The following TTC28 variants were observed in gnomAD, a reference collection of about 807,000 sequenced individuals.
The protein encoded by TTC28 is tetratricopeptide repeat protein 28.
In TTC28, 61 loss-of-function variants were observed where a neutral mutation model predicts 198.0. The observed-to-expected ratio is 0.31, with a 90% CI of 0.25 to 0.38. TTC28 has a LOEUF of 0.38. Among genes scored for constraint, TTC28 ranks in the 10% least tolerant of loss-of-function variants. The probability of loss-of-function intolerance (pLI) is 1.00; values close to 1 mark genes in which losing one functional copy is unlikely to be tolerated. For missense variants in TTC28, 2,678 were observed against 3,164.0 expected (o/e 0.85, Z 3.69); for synonymous variants, 1,171 against 1,297.8 (o/e 0.90, Z 2.10).
At chr22:28,174,712 CT>C (rs1021264205) in intron 5 of TTC28, among the ~76,000 whole-genome samples, 2 of 152,066 alleles carry the variant, frequency 1.3e-5, no homozygotes, top group African/African-American at 4.8e-5. Context: ...AACCCCATAT[CT>C]TAAGAAAAAG....
chr22:28,572,160 C>T (rs1238720103), intron 2 of TTC28, among the ~76,000 whole-genome samples: 5 of 150,878 alleles, frequency 3.3e-5, no homozygotes, highest in Middle Eastern at 6.8e-3. Context: ...ATGATGAAAC[C>T]CCATCTCTAC....
chr22:28,040,727 TCTGG>T (rs1193919733), intron 12 of TTC28, among the ~76,000 whole-genome samples: 2 of 152,186 alleles, frequency 1.3e-5, no homozygotes, highest in Non-Finnish European at 2.9e-5. Context: ...TGTTGGAAGT[TCTGG>T]CTGGGGCAAT....
chr22:28,408,064 T>C (rs2047026521), intron 2 of TTC28, among the ~76,000 whole-genome samples: 1 of 152,242 alleles, frequency 6.6e-6, no homozygotes, highest in Admixed American at 6.5e-5. Context: ...TGCATTCAGC[T>C]TTCTGTTTTC....
At chr22:28,334,322 G>A (rs1182654815) in intron 2 of TTC28, among the ~76,000 whole-genome samples, 1 of 152,068 alleles carries the variant, frequency 6.6e-6, no homozygotes, top group East Asian at 1.9e-4. Context: ...ATGTGTGCAT[G>A]TGTCTTTATA....
chr22:28,153,278 T>G (rs891700066), intron 6 of TTC28, among the ~76,000 whole-genome samples: 1 of 151,782 alleles, frequency 6.6e-6, no homozygotes, highest in Admixed American at 6.6e-5. Flanking sequence ...CTACCAAACT[T>G]TTACTCCAAC....
intron 2 of TTC28, among the ~76,000 whole-genome samples, chr22:28,426,420 C>A (rs1483904662): frequency 6.6e-6 from 1 of 152,052 alleles, no homozygotes; most frequent in African/African-American, 2.4e-5. Context: ...CAAAGTCAGG[C>A]TTACATAGTC....
At chr22:28,238,104 G>T (rs561850340) in intron 5 of TTC28, among the ~76,000 whole-genome samples, 50 of 152,170 alleles carry the variant, frequency 3.3e-4, no homozygotes, top group African/African-American at 1.2e-3. Flanking sequence ...TTTACTGCAC[G>T]AATGGGGTTG....
At chr22:28,342,683 A>G (rs1339500716) in intron 2 of TTC28, among the ~76,000 whole-genome samples, 1 of 152,204 alleles carries the variant, frequency 6.6e-6, no homozygotes, top group African/African-American at 2.4e-5. Context: ...ATGTGTTAAG[A>G]GCTCATCTTT....
Position 27,983,397 on chromosome 22 carries a change from G to A in TTC28, c.6270C>T (p.Ala2090=), listed in dbSNP as rs369095042. 131 of 1,551,032 alleles carry A rather than the reference G, an allele frequency of 8.4e-5. No individual in the cohort carries two copies. The highest frequency in any genetic ancestry group is 1.1e-4 in the Non-Finnish European group (121 of 1,147,014). The change falls in exon 23 of 23, where the codon GCC becomes GCT. Residue 2090 remains alanine, a synonymous_variant. Coordinates refer to ENST00000397906, the MANE Select transcript of TTC28 (RefSeq NM_001145418.2). Reference sequence around the variant, plus strand: ...AGCTCACCGAGACTCTCATGCCTCCGGCTGTCCCAGGTTGGGGTTGTTTGT... The same window carrying A: ...AGCTCACCGAGACTCTCATGCCTCCAGCTGTCCCAGGTTGGGGTTGTTTGT... ...PDHKQPQPGT[A]GGMRVSVSSK... is the part of the protein sequence containing the mutation.
intron 2 of TTC28, among the ~76,000 whole-genome samples, chr22:28,400,615 T>G (rs1322630946): frequency 6.6e-6 from 1 of 152,140 alleles, no homozygotes; most frequent in Non-Finnish European, 1.5e-5. Flanking sequence ...CATACAAAAC[T>G]TAAAGCAAAA....
chr22:28,203,344 T>C lies in TTC28; in HGVS notation c.934-39745A>G, dbSNP rs150015224. ...CTTCAGGCCTGCCACAAATATTCAA[T>C]AAATGTTAACTATTATTTGTCACAT... On this transcript the variant is annotated intron_variant, in intron 5 of 22. Coordinates refer to ENST00000397906, the MANE Select transcript of TTC28 (RefSeq NM_001145418.2). Among the ~76,000 whole-genome samples the C allele has an allele frequency of 5.4e-3, 818 of 152,260 alleles. 2 individuals are homozygous for C. The highest frequency in any genetic ancestry group is 7.8e-3 in the Non-Finnish European group (532 of 68,024).
At chr22:28,336,937 G>A (rs1178465057) in intron 2 of TTC28, among the ~76,000 whole-genome samples, 1 of 152,146 alleles carries the variant, frequency 6.6e-6, no homozygotes, top group Admixed American at 6.5e-5. Context: ...ATGTTAGGCT[G>A]TCAATTTTAG....
chr22:28,275,230 T>C (rs1268823164), intron 5 of TTC28, among the ~76,000 whole-genome samples: 1 of 152,208 alleles, frequency 6.6e-6, no homozygotes, highest in African/African-American at 2.4e-5. Context: ...TCCATCAGTC[T>C]GGTAAAAGCT....
At chr22:28,407,140 TA>T (rs1341232298) in intron 2 of TTC28, among the ~76,000 whole-genome samples, 1 of 152,126 alleles carries the variant, frequency 6.6e-6, no homozygotes, top group Non-Finnish European at 1.5e-5. Context: ...GCAAACAAGT[TA>T]AAAAAAGCGG....
chr22:28,028,735 A>C (rs528179621), intron 13 of TTC28: 1 of 287,990 alleles, frequency 3.5e-6, no homozygotes, highest in African/African-American at 2.2e-5. Context: ...TAAGTTTAGC[A>C]CTATTCTTCC....
intron 2 of TTC28, among the ~76,000 whole-genome samples, chr22:28,541,779 A>G (rs933216717): frequency 2.6e-5 from 4 of 152,154 alleles, no homozygotes; most frequent in Non-Finnish European, 5.9e-5. Flanking sequence ...GAAAAATACA[A>G]TATCTGAAAT....
At chr22:28,060,569 G>A (rs1940484049) in intron 12 of TTC28, among the ~76,000 whole-genome samples, 1 of 152,184 alleles carries the variant, frequency 6.6e-6, no homozygotes, top group South Asian at 2.1e-4. Context: ...GTATGCATGT[G>A]TCTTTATAGC....
At position 28,014,335 on chromosome 22, in the gene TTC28, C is replaced by T. The variant is rs187594530; in HGVS notation, c.4131G>A (p.Gly1377=). 4.4e-5 allele frequency: 68 copies of T among 1,551,614 alleles called. No homozygotes were observed. The African/African-American group carries it at 7.7e-4, about 17-fold the overall frequency. ...TCTGCCTCCTGGGAAGAGAGGAGGT[C>T]CCGTCCTGGGTCGGTGACACAGTGT... ...FSNTVSPTQD[G]TSSLPRRQSS... is the part of the protein sequence containing the mutation. The change falls in exon 14 of 23, where the codon GGG becomes GGA. Residue 1377 remains glycine, a synonymous_variant. Coordinates refer to ENST00000397906, the MANE Select transcript of TTC28 (RefSeq NM_001145418.2).
chr22:28,387,996 T>A (rs939841152), intron 2 of TTC28, among the ~76,000 whole-genome samples: 3 of 152,232 alleles, frequency 2.0e-5, no homozygotes, highest in Non-Finnish European at 4.4e-5. Flanking sequence ...TTTAAGTCTT[T>A]AATCCATCTT....
Sources: allele counts gnomAD v4.1 joint callset (sites outside exome capture counted in the v4.1 genomes callset), GRCh38; gene constraint gnomAD v4.1.1; transcripts MANE v1.5; gene names NCBI Gene and HGNC (gene_info 2026-07-23, HGNC 2026-07-21).